Variants in KLHL29 observed in about 807,000 individuals in gnomAD.
KLHL29 encodes kelch-like protein 29.
In KLHL29, 21 loss-of-function variants were observed where a neutral mutation model predicts 80.4. The ratio of observed to expected loss-of-function variants is 0.26; its 90% CI spans 0.19 to 0.38. KLHL29 has a LOEUF of 0.38. Ranked by LOEUF, KLHL29 falls within the 10% of genes least tolerant of loss-of-function variation. The probability of loss-of-function intolerance (pLI) is 1.00; values close to 1 mark genes in which losing one functional copy is unlikely to be tolerated. For missense variants in KLHL29, 867 were observed against 1,223.9 expected, an observed-to-expected ratio of 0.71 and a Z score of 4.35; for synonymous variants, 511 against 526.8, an observed-to-expected ratio of 0.97 and a Z score of 0.41.
intron 3 of KLHL29, among the ~76,000 whole-genome samples, chr2:23,570,708 T>C (rs1653722): frequency 0.82 from 125,367 of 152,232 alleles, 51,852 homozygotes; most frequent in East Asian, 1. Context: ...CCACCTGGGC[T>C]CCCCTTGTCT....
chr2:23,588,897 TC>T (rs1668183026), intron 3 of KLHL29, among the ~76,000 whole-genome samples: 1 of 152,166 alleles, frequency 6.6e-6, no homozygotes, highest in Non-Finnish European at 1.5e-5. Flanking sequence ...GGAGGCAATC[TC>T]CACACTCTCA....
intron 13 of KLHL29, 90 bp downstream of exon 13, chr2:23,703,953 C>T (rs575181224): frequency 1.5e-6 from 2 of 1,377,044 alleles, no homozygotes; most frequent in East Asian, 2.5e-5. Context: ...CATCAGTGAC[C>T]ATAGCAATTC....
intron 1 of KLHL29, among the ~76,000 whole-genome samples, chr2:23,474,672 G>A (rs1664582305): frequency 2.0e-5 from 3 of 152,176 alleles, no homozygotes; most frequent in South Asian, 4.2e-4. Context: ...AGAAAGACTC[G>A]TTGCGTTGTC....
At chr2:23,482,097 T>A (rs988524186) in intron 2 of KLHL29, among the ~76,000 whole-genome samples, 1 of 152,064 alleles carries the variant, frequency 6.6e-6, no homozygotes, top group Admixed American at 6.5e-5. Flanking sequence ...AGGCGGAGAT[T>A]GTCAACAAAA....
chr2:23,586,265 C>T (rs981481680), intron 3 of KLHL29, among the ~76,000 whole-genome samples: 3 of 151,998 alleles, frequency 2.0e-5, no homozygotes, highest in African/African-American at 7.2e-5. Flanking sequence ...GGGACCATCA[C>T]CACTATCTAG....
intron 2 of KLHL29, among the ~76,000 whole-genome samples, chr2:23,514,769 G>T (rs1424715935): frequency 1.3e-5 from 2 of 152,186 alleles, no homozygotes; most frequent in Non-Finnish European, 2.9e-5. Context: ...GAAGAAGAGG[G>T]TCTAGTTTCT....
intron 2 of KLHL29, among the ~76,000 whole-genome samples, chr2:23,517,833 A>C (rs919720600): frequency 3.5e-4 from 53 of 152,322 alleles, no homozygotes; most frequent in African/African-American, 1.3e-3. Context: ...ACTTTAGTGC[A>C]GTGTCTTCTT....
At chr2:23,388,989 C>CTTTTT (rs10691490) in intron 1 of KLHL29, among the ~76,000 whole-genome samples, 6 of 106,882 alleles carry the variant, frequency 5.6e-5, no homozygotes, top group Admixed American at 9.7e-5. Context: ...CTTTCTTCTT[C>CTTTTT]TTTTTTTTTT....
At chr2:23,423,461 C>T (rs1662904397) in intron 1 of KLHL29, among the ~76,000 whole-genome samples, 1 of 152,240 alleles carries the variant, frequency 6.6e-6, no homozygotes, top group Non-Finnish European at 1.5e-5. Flanking sequence ...TCTCTGAGAA[C>T]TTCTTAAGCA....
intron 3 of KLHL29, among the ~76,000 whole-genome samples, chr2:23,573,748 A>G (rs1469662459): frequency 1.3e-5 from 2 of 152,160 alleles, no homozygotes; most frequent in Non-Finnish European, 2.9e-5. Flanking sequence ...GTTTTTCCTT[A>G]ACAGCCAGGT....
intron 3 of KLHL29, among the ~76,000 whole-genome samples, chr2:23,572,702 T>C (rs1667743703): frequency 6.9e-6 from 1 of 145,840 alleles, no homozygotes; most frequent in Admixed American, 6.8e-5. Context: ...AGTGATTTCT[T>C]TTTTTTTTTT....
chr2:23,548,612 A>C (rs73919752), intron 2 of KLHL29, among the ~76,000 whole-genome samples: 8 of 152,362 alleles, frequency 5.3e-5, no homozygotes, highest in African/African-American at 1.9e-4. Flanking sequence ...CACAGTGGCC[A>C]GTCTGACAGC....
intron 1 of KLHL29, among the ~76,000 whole-genome samples, chr2:23,465,058 T>C (rs77418123): frequency 0.049 from 7,497 of 152,284 alleles, 215 homozygotes; most frequent in African/African-American, 0.071. Context: ...TTTTCATACA[T>C]GGTTGCTGCA....
chr2:23,502,616 C>T (rs150560565), intron 2 of KLHL29, among the ~76,000 whole-genome samples: 180 of 152,378 alleles, frequency 1.2e-3, no homozygotes, highest in African/African-American at 4.1e-3. Flanking sequence ...ACCAATTCAT[C>T]CCCCTCGTGT....
At chr2:23,537,316 C>G (rs149860341) in intron 2 of KLHL29, among the ~76,000 whole-genome samples, 5 of 152,164 alleles carry the variant, frequency 3.3e-5, no homozygotes, top group Admixed American at 6.5e-5. Flanking sequence ...TTTGCCTTCT[C>G]CATCATACTA....
At chr2:23,502,991 T>C (rs889011358) in intron 2 of KLHL29, among the ~76,000 whole-genome samples, 1 of 152,204 alleles carries the variant, frequency 6.6e-6, no homozygotes, top group African/African-American at 2.4e-5. Context: ...TTTTCTTTTT[T>C]TTGGCCTGTC....
intron 2 of KLHL29, among the ~76,000 whole-genome samples, chr2:23,515,370 A>G (rs1417627095): frequency 1.3e-5 from 2 of 152,100 alleles, no homozygotes; most frequent in African/African-American, 4.8e-5. Flanking sequence ...CATACATGCT[A>G]TTTCATTACT....
intron 3 of KLHL29, among the ~76,000 whole-genome samples, chr2:23,587,903 C>G: frequency 6.6e-6 from 1 of 152,186 alleles, no homozygotes; most frequent in East Asian, 1.9e-4. Context: ...AATTTAGAGG[C>G]TAGGGAAGGA....
chr2:23,452,296 A>AG (rs1435355733), intron 1 of KLHL29, among the ~76,000 whole-genome samples: 1 of 151,788 alleles, frequency 6.6e-6, no homozygotes, highest in East Asian at 1.9e-4. Context: ...TGCTAGGATT[A>AG]CAGGTGTGAG....
Sources: allele counts gnomAD v4.1 joint callset (sites outside exome capture counted in the v4.1 genomes callset), GRCh38; gene constraint gnomAD v4.1.1; transcripts MANE v1.5; gene names NCBI Gene and HGNC (gene_info 2026-07-23, HGNC 2026-07-21).